MARCHF7: variants seen among roughly 807,000 people sequenced by gnomAD.
MARCHF7 encodes the protein E3 ubiquitin-protein ligase MARCHF7.
A neutral mutation model predicts 76.5 loss-of-function variants in MARCHF7; 20 were observed. The observed-to-expected ratio is 0.26, with a 90% confidence interval of 0.18 to 0.38. The LOEUF (loss-of-function observed/expected upper bound fraction) is 0.38. Ranked by LOEUF, MARCHF7 falls within the 10% of genes least tolerant of loss-of-function variation. The pLI is 1.00. For synonymous variants in MARCHF7, 295 were observed against 293.0 expected, an observed-to-expected ratio of 1.01 and a Z score of -0.07; for missense variants, 797 against 812.9, an observed-to-expected ratio of 0.98 and a Z score of 0.24.
intron 3 of MARCHF7, among the ~76,000 whole-genome samples, chr2:159,721,349 C>T (rs748502687): frequency 2.6e-5 from 4 of 152,048 alleles, no homozygotes; most frequent in Non-Finnish European, 5.9e-5. Flanking sequence ...TAAAGCAAGC[C>T]CACAGGTTTG....
intron 4 of MARCHF7, among the ~76,000 whole-genome samples, chr2:159,740,516 CTG>C (rs1392124368): frequency 6.6e-6 from 1 of 152,246 alleles, no homozygotes; most frequent in African/African-American, 2.4e-5. Context: ...ATTTTGGTCT[CTG>C]AAATCCAGAG....
At position 159,747,656 on chromosome 2, in the gene MARCHF7, T is replaced by C. The variant is rs139007980; in HGVS notation, c.515-149T>C. On this transcript the variant is annotated intron_variant, in intron 6 of 11. Coordinates refer to ENST00000409175, the MANE Select transcript of MARCHF7 (RefSeq NM_001282805.2). The stretch of plus-strand genomic sequence containing the variant: ...GAATAGAAAGAGAAATACATTTATG[T>C]TTTTTCTATAATAATAGTAAACTCT... 4,094 of 672,064 alleles carry C rather than the reference T, an allele frequency of 6.1e-3. 25 individuals carry two copies. The highest frequency in any genetic ancestry group is 8.2e-3 in the Non-Finnish European group (3,589 of 439,444). The allele number at this position is 672,064 out of a possible 1,614,324, so 41.6% of individuals were successfully genotyped here. A position where few individuals can be genotyped will look rare whatever the true frequency, so the allele number is the denominator to read the frequency against.
At chr2:159,750,935 T>C (rs1413106207) in intron 7 of MARCHF7, among the ~76,000 whole-genome samples, 2 of 152,202 alleles carry the variant, frequency 1.3e-5, no homozygotes, top group South Asian at 2.1e-4. Context: ...TCTGCACACT[T>C]TCTGAGATGT....
chr2:159,763,005 T>C lies in MARCHF7; in HGVS notation c.2007+12T>C. The C allele has an allele frequency of 6.3e-7, 1 of 1,583,300 alleles. No individual in the cohort carries two copies. Among genetic ancestry groups the C allele is most frequent in the South Asian group, 1.1e-5 (1 of 89,730 alleles). ...GCACACGTGTCCGAGTAAGTAATAA[T>C]GAAGTTGGGGAGAGGGAGGGTATGA... On this transcript the variant is annotated intron_variant, in intron 10 of 11. Coordinates refer to ENST00000409175, the MANE Select transcript of MARCHF7 (RefSeq NM_001282805.2).
intron 9 of MARCHF7, among the ~76,000 whole-genome samples, chr2:159,761,752 AC>A (rs1267064476): frequency 6.6e-6 from 1 of 152,158 alleles, no homozygotes; most frequent in Non-Finnish European, 1.5e-5. Context: ...ATAATCAGTT[AC>A]TTGCTGAAGT....
intron 8 of MARCHF7, among the ~76,000 whole-genome samples, chr2:159,758,105 A>G (rs1245321725): frequency 6.6e-6 from 1 of 152,128 alleles, no homozygotes; most frequent in African/African-American, 2.4e-5. Context: ...CCTAACAATC[A>G]CTCAACAAAT....
chr2:159,748,524 A>G lies in MARCHF7; in HGVS notation c.1234A>G (p.Ile412Val). The stretch of plus-strand genomic sequence containing the variant: ...AGAGGGAAGAGATGAATCTTCAAGG[A>G]TACCTACCTCTGATACATCATCTAG... ...RREGRDESSR[I>V]PTSDTSSRSH... The change falls in exon 7 of 12, where the codon ATA becomes GTA. Residue 412 changes from isoleucine (I) to valine (V), a missense_variant. Ile to Val is a conservative substitution (Grantham distance 29). This residue lies in a region of MARCHF7 where 643 missense variants were observed against 631.5 expected (regional missense o/e 1.02). Coordinates refer to ENST00000409175, the MANE Select transcript of MARCHF7 (RefSeq NM_001282805.2). 6.2e-7 allele frequency: 1 copy of G among 1,614,146 alleles called. No individual in the cohort carries two copies. The highest frequency in any genetic ancestry group is 8.5e-7 in the Non-Finnish European group (1 of 1,180,014).
chr2:159,715,542 C>G (rs185610563), intron 2 of MARCHF7, 139 bp from the exon 3 acceptor site: 1 of 152,220 alleles, frequency 6.6e-6, no homozygotes, highest in Admixed American at 6.5e-5. Flanking sequence ...GAGACAGTTT[C>G]ACCATGTTTC....
intron 3 of MARCHF7, among the ~76,000 whole-genome samples, chr2:159,724,315 G>A (rs1396848134): frequency 2.6e-5 from 4 of 151,976 alleles, no homozygotes; most frequent in African/African-American, 9.7e-5. Flanking sequence ...ATTACTTCTG[G>A]TTTTCTGCAG....
chr2:159,713,121 C>T (rs562545597), intron 1 of MARCHF7, among the ~76,000 whole-genome samples: 2 of 152,326 alleles, frequency 1.3e-5, no homozygotes, highest in African/African-American at 4.8e-5. Flanking sequence ...CCCTTAGATT[C>T]GGCCAAGATT....
chr2:159,745,346 CG>C (rs1560012582), intron 5 of MARCHF7, among the ~76,000 whole-genome samples: 1 of 151,862 alleles, frequency 6.6e-6, no homozygotes, highest in African/African-American at 2.4e-5. Flanking sequence ...ACTATATAAC[CG>C]GGGATTCTCA....
chr2:159,725,308 A>G (rs1184676763), intron 3 of MARCHF7, among the ~76,000 whole-genome samples: 1 of 152,142 alleles, frequency 6.6e-6, no homozygotes, highest in Admixed American at 6.5e-5. Context: ...AACAATGTAA[A>G]AGTGTTCCTA....
intron 4 of MARCHF7, among the ~76,000 whole-genome samples, chr2:159,729,722 A>G (rs539571219): frequency 3.3e-5 from 5 of 152,052 alleles, no homozygotes; most frequent in Admixed American, 1.3e-4. Flanking sequence ...GTACGTAAAA[A>G]CATAAGTATA....
rs1708039646 is a variant in MARCHF7 at position 159,768,908 on chromosome 2, C to CAT, written c.*1567_*1568dup. 6.6e-6 allele frequency: 1 copy of CAT among 152,126 alleles called. No individual in the cohort carries two copies. The highest frequency in any genetic ancestry group is 6.5e-5 in the Admixed American group (1 of 15,270). The allele number at this position is 152,126 out of a possible 1,614,324, so 9.4% of individuals were successfully genotyped here. A position where few individuals can be genotyped will look rare whatever the true frequency, so the allele number is the denominator to read the frequency against. ...ATTTAACTAGATGGTACAAAACATT[C>CAT]ATTGGTATGCACATAATTCTGTATA... On this transcript the variant is annotated 3_prime_UTR_variant, in exon 12 of 12. Transcript: ENST00000409175.
At chr2:159,749,295 A>G (rs1705311824) in intron 7 of MARCHF7, among the ~76,000 whole-genome samples, 1 of 151,614 alleles carries the variant, frequency 6.6e-6, no homozygotes, top group African/African-American at 2.4e-5. Flanking sequence ...CTTCATTTCA[A>G]AATTGGCTTC....
At chr2:159,743,319 T>C in intron 5 of MARCHF7, 66 bp downstream of exon 5, 1 of 1,452,502 alleles carries the variant, frequency 6.9e-7, no homozygotes, top group Non-Finnish European at 9.4e-7. Flanking sequence ...TTGTTCTTAG[T>C]TTTGGAATGA....
chr2:159,728,907 T>G, intron 3 of MARCHF7, 102 bp from the exon 4 acceptor site: 1 of 630,472 alleles, frequency 1.6e-6, no homozygotes, highest in Non-Finnish European at 2.5e-6. Flanking sequence ...ATGGTTAATT[T>G]GTATGGTTAA....
At chr2:159,733,387 C>T (rs1703051843) in intron 4 of MARCHF7, 1 of 465,046 alleles carries the variant, frequency 2.2e-6, no homozygotes, top group East Asian at 1.5e-4. Context: ...TACAGGTGTG[C>T]ACACCACACT....
At chr2:159,767,195 C>CA (rs1707903814) in intron 11 of MARCHF7, 89 bp from the exon 12 acceptor site, 4 of 901,998 alleles carry the variant, frequency 4.4e-6, no homozygotes, top group Non-Finnish European at 7.1e-6. Flanking sequence ...TTTGTTTTTA[C>CA]AAGTCATTGC....
Sources: allele counts gnomAD v4.1 joint callset (sites outside exome capture counted in the v4.1 genomes callset), GRCh38; gene constraint gnomAD v4.1.1; regional missense constraint gnomAD v4.1.1; transcripts MANE v1.5; gene names NCBI Gene and HGNC (gene_info 2026-07-23, HGNC 2026-07-21).